Variants in VASH2 observed in about 807,000 individuals in gnomAD.
The protein encoded by VASH2 is vasohibin 2.
A neutral mutation model predicts 37.2 loss-of-function variants in VASH2; 28 were observed. The observed-to-expected ratio is 0.75, with a 90% CI of 0.56 to 1.03. The LOEUF is 1.03. VASH2 is among the 50% of genes least tolerant of loss of function. The probability of loss-of-function intolerance (pLI) is 0.00; values close to 1 mark genes in which losing one functional copy is unlikely to be tolerated. For synonymous variants in VASH2, 188 were observed against 174.7 expected (o/e 1.08, Z -0.60); for missense variants, 419 against 459.1 (o/e 0.91, Z 0.80).
intron 2 of VASH2, chr1:212,952,826 A>T (rs1331117088): frequency 6.6e-6 from 1 of 152,184 alleles, no homozygotes; most frequent in Admixed American, 6.5e-5. Flanking sequence ...CAGCCTGGTG[A>T]CAGCTGAGCA....
chr1:212,982,422 C>A (rs1667364919), intron 7 of VASH2, among the ~76,000 whole-genome samples: 1 of 152,132 alleles, frequency 6.6e-6, no homozygotes, highest in Admixed American at 6.5e-5. Flanking sequence ...AAAATAATAA[C>A]CCTGGATCCG....
Position 212,989,700 on chromosome 1 carries a change from T to A in VASH2, c.*1116T>A, listed in dbSNP as rs573096468. On this transcript the variant is annotated 3_prime_UTR_variant, in exon 8 of 8. Coordinates refer to ENST00000517399, the MANE Select transcript of VASH2 (RefSeq NM_001301056.2). Reference sequence around the variant, plus strand: ...TTTCATGACATTTTAGGAATGAGTATTGGAAAATATAAAGAATTAGAAAAG... The same window carrying A: ...TTTCATGACATTTTAGGAATGAGTAATGGAAAATATAAAGAATTAGAAAAG... The A allele has an allele frequency of 3.9e-5, 6 of 152,194 alleles. No homozygotes were observed. Among genetic ancestry groups the A allele is most frequent in the Admixed American group, 1.3e-4 (2 of 15,284 alleles). The allele number at this position is 152,194 out of a possible 1,614,324, so 9.4% of individuals were successfully genotyped here.
chr1:212,953,941 C>T (rs1666404331), intron 2 of VASH2, among the ~76,000 whole-genome samples: 1 of 152,030 alleles, frequency 6.6e-6, no homozygotes, highest in South Asian at 2.1e-4. Flanking sequence ...ACAAGGCCTT[C>T]CTCTGTCACC....
At chr1:212,957,199 A>C (rs1666523457) in intron 2 of VASH2, among the ~76,000 whole-genome samples, 2 of 152,248 alleles carry the variant, frequency 1.3e-5, no homozygotes, top group South Asian at 4.1e-4. Context: ...CATGTGTCAA[A>C]ACGTCTTTCC....
In VASH2 at chr1:212,951,527, C is replaced by T. The variant is rs1365305839; in HGVS notation, c.-16C>T. ...CCGCGCGCCCCCAGTACCTCGCTCC[C>T]CGCCCAGGCCCCACCATGACCGGCT... On this transcript the variant is annotated 5_prime_UTR_variant, in exon 2 of 8. Coordinates refer to ENST00000517399, the MANE Select transcript of VASH2 (RefSeq NM_001301056.2). This position sits in a 1 kb window ranked among gnomAD's most constrained non-coding sequence, Gnocchi z 4.4. 1 of 1,351,772 alleles carries T rather than the reference C, an allele frequency of 7.4e-7. No individual in the cohort carries two copies. The highest frequency in any genetic ancestry group is 9.6e-7 in the Non-Finnish European group (1 of 1,046,682). The allele number at this position is 1,351,772 out of a possible 1,614,324, so 83.7% of individuals were successfully genotyped here.
chr1:212,959,158 C>G (rs972145047), intron 2 of VASH2, among the ~76,000 whole-genome samples: 1 of 152,220 alleles, frequency 6.6e-6, no homozygotes, highest in Non-Finnish European at 1.5e-5. Context: ...GTTCACGTCT[C>G]CCCTTCTCTC....
rs1431532849 is a variant in VASH2 at position 212,966,337 on chromosome 1, C to T, written c.489C>T (p.Ile163=). The change falls in exon 5 of 8, where the codon ATC becomes ATT. Residue 163 remains isoleucine, a synonymous_variant. Transcript: ENST00000517399. The part of the protein sequence containing the change: ...SLPIKCLEAV[I]LGIYLTNGQP... ...CTATCAAATGCCTTGAAGCTGTCAT[C>T]CTGGGCATGTATCCTTTAAGTTATG... 11 of 1,551,508 alleles carry T rather than the reference C, an allele frequency of 7.1e-6. No homozygotes were observed. The highest frequency in any genetic ancestry group is 9.6e-6 in the Non-Finnish European group (11 of 1,146,928).
chr1:212,968,960 T>C, intron 5 of VASH2: 1 of 985,406 alleles, frequency 1.0e-6, no homozygotes, highest in Non-Finnish European at 1.2e-6. Context: ...TTTATACATT[T>C]GCGCATCATG....
intron 5 of VASH2, chr1:212,967,252 C>T (rs188732358): frequency 7.7e-7 from 1 of 1,293,740 alleles, no homozygotes; most frequent in African/African-American, 1.5e-5. Context: ...TGATGACCAC[C>T]TCCCTTACAC....
At chr1:212,954,661 G>T (rs1558139876) in intron 2 of VASH2, among the ~76,000 whole-genome samples, 1 of 151,954 alleles carries the variant, frequency 6.6e-6, no homozygotes. Context: ...CTCATGATCT[G>T]CCCACCTCGG....
rs926043518 is a variant in VASH2, at chr1:212,969,049, C to G, written c.497+2704C>G. ...CCTTTGAGCCTGTCCAAATCAGAGA[C>G]AGTGTGCTCGTGGTTTTCCTTTGTT... On this transcript the variant is annotated intron_variant, in intron 5 of 7. Coordinates refer to ENST00000517399, the MANE Select transcript of VASH2 (RefSeq NM_001301056.2). 1.2e-5 allele frequency: 12 copies of G among 985,338 alleles called. No individual in the cohort carries two copies. The African/African-American group carries it at 2.1e-4, about 17-fold the overall frequency. The allele number at this position is 985,338 out of a possible 1,614,324, so 61.0% of individuals were successfully genotyped here.
At chr1:212,976,616 A>T (rs1162929942) in intron 7 of VASH2, among the ~76,000 whole-genome samples, 1 of 152,112 alleles carries the variant, frequency 6.6e-6, no homozygotes, top group Non-Finnish European at 1.5e-5. Flanking sequence ...CCCAAGAAAA[A>T]GAGCCAGAAC....
intron 2 of VASH2, among the ~76,000 whole-genome samples, chr1:212,958,858 C>T (rs1027088271): frequency 6.6e-6 from 1 of 151,994 alleles, no homozygotes; most frequent in Non-Finnish European, 1.5e-5. Flanking sequence ...AAACTACAGG[C>T]GTGCATCACC....
intron 5 of VASH2, chr1:212,968,457 T>C: frequency 1.0e-6 from 1 of 985,370 alleles, no homozygotes; most frequent in Non-Finnish European, 1.2e-6. Context: ...CTGGACATCT[T>C]TGTGGGAAGG....
intron 7 of VASH2, among the ~76,000 whole-genome samples, chr1:212,982,212 G>C (rs182763237): frequency 1.3e-5 from 2 of 152,134 alleles, no homozygotes; most frequent in Non-Finnish European, 2.9e-5. Context: ...GTCCATTTAC[G>C]TCACAACAGG....
At chr1:212,957,607 A>G (rs1666535181) in intron 2 of VASH2, among the ~76,000 whole-genome samples, 1 of 148,984 alleles carries the variant, frequency 6.7e-6, no homozygotes, top group African/African-American at 2.5e-5. Context: ...TGAATAATAC[A>G]CAGCTTACAC....
Position 212,989,467 on chromosome 1 carries a change from G to C in VASH2, c.*883G>C, listed in dbSNP as rs1219605274. 6.6e-6 allele frequency: 1 copy of C among 152,160 alleles called. No homozygotes were observed. The highest frequency in any genetic ancestry group is 1.5e-5 in the Non-Finnish European group (1 of 68,028). 9.4% of individuals were successfully genotyped at this position (152,160 alleles called of 1,614,324 possible). ...CATTAACACACTCAGGCAGAGACCA[G>C]GAGTGATCAGCAGGTCTTCAGAACC... On this transcript the variant is annotated 3_prime_UTR_variant, in exon 8 of 8. Transcript: ENST00000517399.
intron 2 of VASH2, among the ~76,000 whole-genome samples, chr1:212,959,393 C>T (rs764364554): frequency 1.3e-5 from 2 of 152,110 alleles, no homozygotes; most frequent in African/African-American, 2.4e-5. Flanking sequence ...CAAAATGGAG[C>T]TTGCAGAATA....
At chr1:212,966,906 T>G in intron 5 of VASH2, 1 of 370,806 alleles carries the variant, frequency 2.7e-6, no homozygotes, top group Non-Finnish European at 5.3e-6. Context: ...TTTTTGTTTG[T>G]TTGTTTGTAT....
Sources: allele counts gnomAD v4.1 joint callset (sites outside exome capture counted in the v4.1 genomes callset), GRCh38; gene constraint gnomAD v4.1.1; non-coding constraint Gnocchi (gnomAD v3.1); transcripts MANE v1.5; gene names NCBI Gene and HGNC (gene_info 2026-07-23, HGNC 2026-07-21).